CUX2: variants seen among roughly 807,000 people sequenced by gnomAD.
CUX2 encodes the protein homeobox protein cut-like 2.
CUX2 carries 40 observed loss-of-function variants against 144.8 expected under a neutral mutation model. The observed-to-expected ratio is 0.28, with a 90% CI of 0.21 to 0.36. CUX2 has a LOEUF of 0.36. Ranked by LOEUF, CUX2 falls within the 10% of genes least tolerant of loss-of-function variation. The pLI is 1.00. For missense variants in CUX2, 1,615 were observed against 1,994.0 expected (o/e 0.81, Z 3.62); for synonymous variants, 827 against 875.6 (o/e 0.94, Z 0.98).
rs1871126081 is a variant in CUX2 at position 111,068,758 on chromosome 12, G to A, written c.63+34518G>A. 6.6e-6 allele frequency among the ~76,000 whole-genome samples: 1 copy of A among 152,188 alleles called. No individual in the cohort carries two copies. The highest frequency in any genetic ancestry group is 2.1e-4 in the South Asian group (1 of 4,834). ...TGAGAGGAGAGGAGACGGGGTGCCGGTAATGCCCCCATGGCCCTCCTGTTG... is the reference window on the plus strand; with the variant it reads ...TGAGAGGAGAGGAGACGGGGTGCCGATAATGCCCCCATGGCCCTCCTGTTG... On this transcript the variant is annotated intron_variant, in intron 1 of 21. Transcript: ENST00000261726. The surrounding 1 kb of genome is among the most constrained non-coding windows in gnomAD (Gnocchi z 4.9).
rs142547789 is a variant in CUX2, at chr12:111,183,511, G to T, written c.64-30689G>T. 4.6e-3 allele frequency among the ~76,000 whole-genome samples: 703 copies of T among 152,360 alleles called. 3 individuals carry two copies. Among genetic ancestry groups the T allele is most frequent in the Non-Finnish European group, 7.0e-3 (475 of 68,038 alleles). On this transcript the variant is annotated intron_variant, in intron 1 of 21. Transcript: ENST00000261726. ...GCAGGGTGAGGTTGTTGTTTACCTG[G>T]CTGGGAGCCAGATTGCTTCGAGCCA...
rs1256574707 is a variant in CUX2 at position 111,246,636 on chromosome 12, C to T, written c.223-17125C>T. On this transcript the variant is annotated intron_variant, in intron 3 of 21. Transcript: ENST00000261726. This position sits in a 1 kb window ranked among gnomAD's most constrained non-coding sequence, Gnocchi z 4.0. ...TTTAAAACCTGAGCAAAACAAAGTG[C>T]ATGTGGAATTTGGACCACAGACTCC... Among the ~76,000 whole-genome samples the T allele has an allele frequency of 6.6e-6, 1 of 152,184 alleles. No homozygotes were observed. The highest frequency in any genetic ancestry group is 1.5e-5 in the Non-Finnish European group (1 of 68,030).
At chr12:111,214,393 A>G in intron 2 of CUX2, 83 bp downstream of exon 2, 1 of 772,568 alleles carries the variant, frequency 1.3e-6, no homozygotes, top group Non-Finnish European at 2.1e-6. Context: ...AAAACTGTAG[A>G]TGCAAGTGAC....
chr12:111,104,788 C>T (rs950959893), intron 1 of CUX2, among the ~76,000 whole-genome samples: 1 of 152,166 alleles, frequency 6.6e-6, no homozygotes, highest in Non-Finnish European at 1.5e-5. Context: ...TCAGAGACAC[C>T]TGCAAGTTCA....
Position 111,313,358 on chromosome 12 carries a change from C to T in CUX2, c.2002+1157C>T, listed in dbSNP as rs143443462. 3.8e-3 allele frequency among the ~76,000 whole-genome samples: 575 copies of T among 151,446 alleles called. 4 individuals carry two copies. Among genetic ancestry groups the T allele is most frequent in the Non-Finnish European group, 5.4e-3 (364 of 67,774 alleles). ...TGCTGGGATTACAGGCGTGAGCCAC[C>T]GTGCCCCGCCCATCTTCTCATCTTT... On this transcript the variant is annotated intron_variant, in intron 16 of 21. Coordinates refer to ENST00000261726, the MANE Select transcript of CUX2 (RefSeq NM_015267.4).
At chr12:111,098,008 C>T (rs996541860) in intron 1 of CUX2, among the ~76,000 whole-genome samples, 1 of 152,164 alleles carries the variant, frequency 6.6e-6, no homozygotes, top group East Asian at 1.9e-4. Context: ...TACAGGAAGC[C>T]ATTGAAGGGC....
In CUX2 at chr12:111,068,713, G is replaced by A. The variant is rs1407442497; in HGVS notation, c.63+34473G>A. 6.6e-6 allele frequency among the ~76,000 whole-genome samples: 1 copy of A among 152,212 alleles called. No individual in the cohort carries two copies. Among genetic ancestry groups the A allele is most frequent in the African/African-American group, 2.4e-5 (1 of 41,462 alleles). On this transcript the variant is annotated intron_variant, in intron 1 of 21. Transcript: ENST00000261726. This position sits in a 1 kb window ranked among gnomAD's most constrained non-coding sequence, Gnocchi z 4.9. ...CTTCTTCCCTGATTCGTGTGCCCAT[G>A]TCAGGGGCTGTTTGCACCCTGAGAG... is the stretch of plus-strand genomic sequence containing the variant.
chr12:111,266,403 G>A (rs1218544452), intron 4 of CUX2, among the ~76,000 whole-genome samples: 6 of 151,602 alleles, frequency 4.0e-5, no homozygotes, highest in South Asian at 2.1e-4. Context: ...CCCAGGAGGC[G>A]GAGGTTGCAA....
intron 1 of CUX2, among the ~76,000 whole-genome samples, chr12:111,071,992 A>G (rs186406135): frequency 5.0e-4 from 76 of 152,314 alleles, no homozygotes; most frequent in African/African-American, 1.8e-3. Context: ...TCTTTCTCCA[A>G]TACCACACTG....
At chr12:111,234,734 T>TC (rs1882650251) in intron 3 of CUX2, among the ~76,000 whole-genome samples, 1 of 150,006 alleles carries the variant, frequency 6.7e-6, no homozygotes, top group Non-Finnish European at 1.5e-5. Context: ...TTTTTTTTTT[T>TC]CTGAGACAGA....
At chr12:111,323,484 T>C (rs376347900) in intron 18 of CUX2, among the ~76,000 whole-genome samples, 1 of 152,198 alleles carries the variant, frequency 6.6e-6, no homozygotes, top group Non-Finnish European at 1.5e-5. Flanking sequence ...TGCAGACTTA[T>C]GCATTAATAT....
intron 1 of CUX2, among the ~76,000 whole-genome samples, chr12:111,111,598 C>A (rs1485223067): frequency 6.6e-6 from 1 of 152,180 alleles, no homozygotes; most frequent in East Asian, 1.9e-4. Context: ...CCTCAAACTT[C>A]AGCATGCATA....
intron 1 of CUX2, among the ~76,000 whole-genome samples, chr12:111,079,493 G>A (rs560360056): frequency 6.6e-6 from 1 of 152,176 alleles, no homozygotes; most frequent in Admixed American, 6.5e-5. Context: ...CCCCTTCCCA[G>A]GCCCTGACCC....
chr12:111,260,800 T>A (rs1884082194), intron 3 of CUX2, among the ~76,000 whole-genome samples: 1 of 152,166 alleles, frequency 6.6e-6, no homozygotes, highest in African/African-American at 2.4e-5. Flanking sequence ...CCAGCACTTG[T>A]CCCCACCCTT....
At chr12:111,315,081 T>C (rs1289851954) in intron 16 of CUX2, among the ~76,000 whole-genome samples, 2 of 152,072 alleles carry the variant, frequency 1.3e-5, no homozygotes, top group Non-Finnish European at 2.9e-5. Flanking sequence ...CCAGTAGTCT[T>C]ATATTCAGGG....
At chr12:111,042,228 C>T (rs1030153751) in intron 1 of CUX2, among the ~76,000 whole-genome samples, 7 of 152,160 alleles carry the variant, frequency 4.6e-5, no homozygotes, top group Non-Finnish European at 8.8e-5. Context: ...CCATTATGGT[C>T]GATTGACTTG....
intron 3 of CUX2, among the ~76,000 whole-genome samples, chr12:111,256,150 T>C (rs1565875686): frequency 6.6e-6 from 1 of 152,032 alleles, no homozygotes; most frequent in Non-Finnish European, 1.5e-5. Context: ...CCACGGCCCA[T>C]CGGCCCCTAC....
At chr12:111,042,796 C>CT (rs770921301) in intron 1 of CUX2, among the ~76,000 whole-genome samples, 140 of 138,774 alleles carry the variant, frequency 1.0e-3, no homozygotes, top group South Asian at 3.1e-3. Context: ...CCACGCCTGG[C>CT]TTTTTTTTTT....
chr12:111,102,754 G>A (rs1037484836), intron 1 of CUX2, among the ~76,000 whole-genome samples: 2 of 152,168 alleles, frequency 1.3e-5, no homozygotes, highest in African/African-American at 2.4e-5. Context: ...CTTCAGGACA[G>A]CTCCTTAACC....
Sources: gnomAD v4.1 joint callset for allele counts (sites outside exome capture counted in the v4.1 genomes callset) on GRCh38, gnomAD v4.1.1 for gene constraint, Gnocchi (gnomAD v3.1) non-coding constraint, MANE v1.5 for transcripts, NCBI Gene and HGNC (gene_info 2026-07-23, HGNC 2026-07-21) for gene names.